Variants in TMEM273 observed in about 807,000 individuals in gnomAD.
TMEM273 encodes the protein chromosome 10 open reading frame 128.
A neutral mutation model predicts 17.9 loss-of-function variants in TMEM273; 19 were observed. The ratio of observed to expected loss-of-function variants is 1.06; its 90% CI spans 0.74 to 1.55. The LOEUF is 1.55. TMEM273 is among the 40% of genes most tolerant of loss of function. The pLI is 0.00. For missense variants in TMEM273, 194 were observed against 155.6 expected, an observed-to-expected ratio of 1.25 and a Z score of -1.31; for synonymous variants, 66 against 62.0, an observed-to-expected ratio of 1.07 and a Z score of -0.31.
chr10:49,167,355 GT>G (rs1284149526), intron 2 of TMEM273, among the ~76,000 whole-genome samples: 1 of 152,258 alleles, frequency 6.6e-6, no homozygotes, highest in Non-Finnish European at 1.5e-5. Flanking sequence ...TTGGGTGTGT[GT>G]TAATTGCCTG....
At chr10:49,159,303 A>T (rs1845697819) in intron 6 of TMEM273, among the ~76,000 whole-genome samples, 1 of 152,226 alleles carries the variant, frequency 6.6e-6, no homozygotes, top group Admixed American at 6.5e-5. Context: ...AATTAATTTC[A>T]TTTGAACACA....
chr10:49,157,308 G>C (rs1398246482), intron 6 of TMEM273, among the ~76,000 whole-genome samples: 1 of 152,206 alleles, frequency 6.6e-6, no homozygotes, highest in African/African-American at 2.4e-5. Context: ...GCACGATCTG[G>C]AGAAAATGAG....
At chr10:49,171,861 C>G (rs550146564) in intron 1 of TMEM273, among the ~76,000 whole-genome samples, 1 of 138,130 alleles carries the variant, frequency 7.2e-6, no homozygotes, top group Non-Finnish European at 1.5e-5. Flanking sequence ...AGCCCATCCC[C>G]GGCATCCAGG....
chr10:49,158,111 A>G (rs12263423), intron 6 of TMEM273, among the ~76,000 whole-genome samples: 138 of 152,334 alleles, frequency 9.1e-4, no homozygotes, highest in African/African-American at 3.2e-3. Flanking sequence ...AAATATGACA[A>G]TCTTATAAGA....
In TMEM273 at chr10:49,155,666, A is replaced by T; in HGVS notation, c.*226T>A. 3 of 629,450 alleles carry T rather than the reference A, an allele frequency of 4.8e-6. No homozygotes were observed. Among genetic ancestry groups the T allele is most frequent in the Non-Finnish European group, 8.2e-6 (3 of 366,676 alleles). The allele number at this position is 629,450 out of a possible 1,614,324, so 39.0% of individuals were successfully genotyped here. ...CTTCCACTGCAGGCTAAATTGCTCA[A>T]TCCTTCCTCTGTGCAGTCCGTTTCT... On this transcript the variant is annotated 3_prime_UTR_variant, in exon 7 of 7. Coordinates refer to ENST00000374153, the MANE Select transcript of TMEM273 (RefSeq NM_001288740.3).
intron 1 of TMEM273, among the ~76,000 whole-genome samples, chr10:49,177,747 C>G (rs2132248236): frequency 6.6e-6 from 1 of 152,356 alleles, no homozygotes. Flanking sequence ...CTTTAGGACT[C>G]TAGGGTTAGC....
At chr10:49,166,109 A>T (rs1167847593) in intron 3 of TMEM273, among the ~76,000 whole-genome samples, 1 of 152,196 alleles carries the variant, frequency 6.6e-6, no homozygotes, top group Non-Finnish European at 1.5e-5. Flanking sequence ...TTCACGGATC[A>T]TAATCACGTC....
At chr10:49,187,382 C>G (rs368754413) in intron 1 of TMEM273, among the ~76,000 whole-genome samples, 2 of 152,184 alleles carry the variant, frequency 1.3e-5, no homozygotes, top group East Asian at 1.9e-4. Context: ...TAACTTTGCC[C>G]GCATTCAGGA....
chr10:49,160,112 A>C (rs530705297), intron 6 of TMEM273, among the ~76,000 whole-genome samples: 3 of 152,364 alleles, frequency 2.0e-5, no homozygotes, highest in Non-Finnish European at 4.4e-5. Flanking sequence ...CACCAATGGC[A>C]AAAACTGCTT....
intron 6 of TMEM273, 47 bp downstream of exon 6, chr10:49,161,552 G>A: frequency 5.6e-6 from 9 of 1,613,682 alleles, no homozygotes; most frequent in Non-Finnish European, 7.6e-6. Context: ...ATGGGGCAGA[G>A]ACTGCCTGTC....
rs1167394537 is a variant in TMEM273 at position 49,166,905 on chromosome 10, A to G, written c.202T>C (p.Ser68Pro). The change falls in exon 3 of 7, where the codon TCT (serine) becomes CCT (proline). Residue 68 changes from serine to proline, a missense_variant. Transcript: ENST00000374153. ...MIRRHLFDDD[S>P]SDLKSTPGGL... Reference sequence around the variant, plus strand: ...CCAGGCGTGCTTTTCAGGTCGGAAGAGTCGTCGTCAAATAAGTGCCTCCTG... The same window carrying G: ...CCAGGCGTGCTTTTCAGGTCGGAAGGGTCGTCGTCAAATAAGTGCCTCCTG... 3.1e-6 allele frequency: 5 copies of G among 1,614,108 alleles called. No individual in the cohort carries two copies. The highest frequency in any genetic ancestry group is 1.3e-5 in the African/African-American group (1 of 75,064).
At chr10:49,180,522 G>T (rs970160888) in intron 1 of TMEM273, among the ~76,000 whole-genome samples, 2 of 152,150 alleles carry the variant, frequency 1.3e-5, no homozygotes, top group African/African-American at 2.4e-5. Flanking sequence ...TCGACAGAAT[G>T]ATATCTGAGG....
chr10:49,169,480 T>A (rs1846412889), intron 1 of TMEM273, among the ~76,000 whole-genome samples: 1 of 152,228 alleles, frequency 6.6e-6, no homozygotes, highest in Non-Finnish European at 1.5e-5. Context: ...TCCGGCAGTC[T>A]AATTTTTTAG....
intron 1 of TMEM273, among the ~76,000 whole-genome samples, chr10:49,173,408 G>T (rs1357227206): frequency 6.6e-6 from 1 of 152,206 alleles, no homozygotes; most frequent in Non-Finnish European, 1.5e-5. Flanking sequence ...CACACAAGCT[G>T]GACTGGGATG....
intron 6 of TMEM273, among the ~76,000 whole-genome samples, chr10:49,158,345 G>A (rs1177225615): frequency 2.0e-5 from 3 of 149,330 alleles, no homozygotes; most frequent in Non-Finnish European, 4.4e-5. Flanking sequence ...CTTTGCTTTG[G>A]TCTATACAAA....
chr10:49,169,689 T>C (rs916869579), intron 1 of TMEM273, among the ~76,000 whole-genome samples: 1 of 152,232 alleles, frequency 6.6e-6, no homozygotes, highest in African/African-American at 2.4e-5. Flanking sequence ...GAAGCCCCAA[T>C]CAGCTTCATT....
At chr10:49,168,097 A>T (rs1056331019) in intron 1 of TMEM273, 135 bp from the exon 2 acceptor site, 9 of 1,022,950 alleles carry the variant, frequency 8.8e-6, no homozygotes, top group Admixed American at 6.3e-5. Flanking sequence ...ATTGCCATGG[A>T]GTGTCTTGGA....
chr10:49,155,524 G>A lies in TMEM273; in HGVS notation c.*368C>T, dbSNP rs1845458690. The A allele has an allele frequency of 9.6e-6, 3 of 313,892 alleles. No individual in the cohort carries two copies. The South Asian group carries it at 1.4e-4, about 15-fold the overall frequency. 19.4% of individuals were successfully genotyped at this position (313,892 alleles called of 1,614,324 possible). Reference sequence around the variant, plus strand: ...CAGTGTGTAGGAAGCTGTGTGTTGGGTCGGATTCCCCTTTTCATGAGCCAT... The same window carrying A: ...CAGTGTGTAGGAAGCTGTGTGTTGGATCGGATTCCCCTTTTCATGAGCCAT... On this transcript the variant is annotated 3_prime_UTR_variant, in exon 7 of 7. Transcript: ENST00000374153.
intron 1 of TMEM273, among the ~76,000 whole-genome samples, chr10:49,169,298 T>C (rs1460945831): frequency 6.6e-6 from 1 of 152,178 alleles, no homozygotes; most frequent in South Asian, 2.1e-4. Flanking sequence ...AAAGACCAGA[T>C]GGTATGATGA....
Sources: gnomAD v4.1 joint callset for allele counts (sites outside exome capture counted in the v4.1 genomes callset) on GRCh38, gnomAD v4.1.1 for gene constraint, MANE v1.5 for transcripts, NCBI Gene and HGNC (gene_info 2026-07-23, HGNC 2026-07-21) for gene names.